The following PRKG1 variants were observed in gnomAD, a reference collection of about 807,000 sequenced individuals.
PRKG1 encodes the protein cGMP-dependent protein kinase 1.
PRKG1 carries 35 observed loss-of-function variants against 88.1 expected under a neutral mutation model. The ratio of observed to expected loss-of-function variants is 0.40; its 90% CI spans 0.30 to 0.53. The LOEUF is 0.53. Among genes scored for constraint, PRKG1 ranks in the 20% least tolerant of loss-of-function variants. The pLI is 0.59. For missense variants in PRKG1, 540 were observed against 839.8 expected, an observed-to-expected ratio of 0.64 and a Z score of 4.41; for synonymous variants, 303 against 292.5, an observed-to-expected ratio of 1.04 and a Z score of -0.37.
At chr10:51,181,493 G>A (rs1410373523) in intron 2 of PRKG1, among the ~76,000 whole-genome samples, 5 of 150,542 alleles carry the variant, frequency 3.3e-5, no homozygotes, top group African/African-American at 9.8e-5. Flanking sequence ...CACCCGCCTC[G>A]GCCTCCCAAA....
chr10:51,140,191 C>G (rs1041142157), intron 1 of PRKG1, among the ~76,000 whole-genome samples: 1 of 152,164 alleles, frequency 6.6e-6, no homozygotes, highest in African/African-American at 2.4e-5. Flanking sequence ...GTAGATCTTC[C>G]CCTTTATTCT....
intron 1 of PRKG1, among the ~76,000 whole-genome samples, chr10:51,093,733 T>A (rs1315296975): frequency 1.4e-5 from 2 of 146,748 alleles, no homozygotes; most frequent in African/African-American, 2.5e-5. Context: ...TGTGTGTATT[T>A]TATATATATA....
chr10:51,526,255 G>T (rs1003195135), intron 3 of PRKG1, among the ~76,000 whole-genome samples: 1 of 152,148 alleles, frequency 6.6e-6, no homozygotes, highest in Non-Finnish European at 1.5e-5. Context: ...TTTTGTATTT[G>T]TTAGATGTTG....
intron 3 of PRKG1, among the ~76,000 whole-genome samples, chr10:51,705,404 C>A (rs1251962919): frequency 6.6e-6 from 1 of 152,158 alleles, no homozygotes; most frequent in Non-Finnish European, 1.5e-5. Context: ...CTTACAATAA[C>A]AAAATATAGA....
chr10:51,955,505 A>G (rs1843282200), intron 5 of PRKG1, among the ~76,000 whole-genome samples: 1 of 152,142 alleles, frequency 6.6e-6, no homozygotes, highest in South Asian at 2.1e-4. Context: ...TACTACATGC[A>G]TTTGTTAACT....
intron 1 of PRKG1, among the ~76,000 whole-genome samples, chr10:51,138,057 C>G (rs1009030227): frequency 6.6e-6 from 1 of 152,060 alleles, no homozygotes; most frequent in Non-Finnish European, 1.5e-5. Context: ...GAAGTATTTA[C>G]TTTTTACTTG....
chr10:51,361,108 C>T (rs1457357469), intron 2 of PRKG1, among the ~76,000 whole-genome samples: 6 of 151,892 alleles, frequency 4.0e-5, no homozygotes, highest in Admixed American at 3.3e-4. Context: ...ACAATTCTGG[C>T]GTGTCTTATT....
intron 2 of PRKG1, among the ~76,000 whole-genome samples, chr10:51,421,496 G>A (rs917600100): frequency 5.3e-5 from 8 of 152,046 alleles, no homozygotes; most frequent in Non-Finnish European, 1.0e-4. Flanking sequence ...CTTTTAGATA[G>A]GTCATAATCT....
chr10:51,582,386 G>A (rs749801216), intron 3 of PRKG1, among the ~76,000 whole-genome samples: 3 of 152,050 alleles, frequency 2.0e-5, no homozygotes, highest in Non-Finnish European at 4.4e-5. Flanking sequence ...ATAGGTAAAC[G>A]TGTACCATGG....
chr10:51,260,828 C>T (rs1255554050), intron 2 of PRKG1, among the ~76,000 whole-genome samples: 1 of 152,068 alleles, frequency 6.6e-6, no homozygotes, highest in Non-Finnish European at 1.5e-5. Flanking sequence ...GAGACTTAGC[C>T]ATCAGAAACT....
At chr10:52,102,221 G>A (rs990474810) in intron 7 of PRKG1, among the ~76,000 whole-genome samples, 1 of 151,860 alleles carries the variant, frequency 6.6e-6, no homozygotes, top group Non-Finnish European at 1.5e-5. Context: ...CAATGCCCCT[G>A]GGCCACCCAG....
intron 9 of PRKG1, among the ~76,000 whole-genome samples, chr10:52,210,518 G>T (rs1315034221): frequency 1.3e-5 from 2 of 152,030 alleles, no homozygotes; most frequent in African/African-American, 2.4e-5. Context: ...TCTCACGGTA[G>T]GTTATTTGTT....
chr10:51,149,450 A>G (rs889731338), intron 1 of PRKG1, among the ~76,000 whole-genome samples: 32 of 152,222 alleles, frequency 2.1e-4, no homozygotes, highest in African/African-American at 7.5e-4. Context: ...TAGAAAGATA[A>G]TTTCTGTCAA....
intron 1 of PRKG1, among the ~76,000 whole-genome samples, chr10:51,134,208 A>T (rs1845637736): frequency 1.3e-5 from 2 of 152,334 alleles, no homozygotes; most frequent in South Asian, 4.1e-4. Flanking sequence ...GGAGTCAAGG[A>T]TTTAATGTGC....
chr10:51,171,382 T>C (rs1904677), intron 2 of PRKG1, among the ~76,000 whole-genome samples: 83,470 of 151,958 alleles, frequency 0.55, 24,473 homozygotes, highest in African/African-American at 0.78. Flanking sequence ...CTGTGCAATA[T>C]CCTGGAAGTG....
At chr10:51,921,491 G>T (rs1842462382) in intron 5 of PRKG1, among the ~76,000 whole-genome samples, 1 of 152,062 alleles carries the variant, frequency 6.6e-6, no homozygotes, top group South Asian at 2.1e-4. Context: ...TCTTGGTTTT[G>T]ATCTCAATGG....
intron 3 of PRKG1, among the ~76,000 whole-genome samples, chr10:51,689,756 C>G (rs1361652244): frequency 6.6e-6 from 1 of 152,164 alleles, no homozygotes; most frequent in East Asian, 1.9e-4. Context: ...AGAGAATCAA[C>G]TAGCCATTCA....
chr10:51,965,154 T>C (rs560308040), intron 5 of PRKG1, among the ~76,000 whole-genome samples: 2 of 152,260 alleles, frequency 1.3e-5, no homozygotes, highest in East Asian at 3.9e-4. Context: ...TGTCTCTTTG[T>C]TTTTGTACAG....
At chr10:51,930,495 C>CTTTTTTTTTTTTTTTTT (rs3029977) in intron 5 of PRKG1, among the ~76,000 whole-genome samples, 1 of 104,472 alleles carries the variant, frequency 9.6e-6, no homozygotes. Context: ...TTTTTTTCCT[C>CTTTTTTTTTTTTTTTTT]TTTTTTTTTT....
Sources: allele counts gnomAD v4.1 joint callset (sites outside exome capture counted in the v4.1 genomes callset), GRCh38; gene constraint gnomAD v4.1.1; transcripts MANE v1.5; gene names NCBI Gene and HGNC (gene_info 2026-07-23, HGNC 2026-07-21).